PDCD6IP: variants seen among roughly 807,000 people sequenced by gnomAD.
PDCD6IP encodes the protein programmed cell death 6-interacting protein.
In PDCD6IP, 43 loss-of-function variants were observed where a neutral mutation model predicts 103.7. That is an observed-to-expected ratio of 0.41 (90% CI 0.32 to 0.53). The LOEUF (loss-of-function observed/expected upper bound fraction) is 0.53. PDCD6IP is among the 20% of genes least tolerant of loss of function. The pLI is 0.16. For synonymous variants in PDCD6IP, 354 were observed against 378.7 expected (o/e 0.93, Z 0.76); for missense variants, 871 against 1,036.7 (o/e 0.84, Z 2.20).
intron 9 of PDCD6IP, among the ~76,000 whole-genome samples, chr3:33,841,684 C>T (rs566226641): frequency 4.6e-5 from 7 of 151,942 alleles, no homozygotes; most frequent in East Asian, 3.9e-4. Flanking sequence ...GTGATCCTCC[C>T]GCCTCGGCCT....
chr3:33,853,042 G>A (rs1697754602), intron 13 of PDCD6IP, among the ~76,000 whole-genome samples: 1 of 151,288 alleles, frequency 6.6e-6, no homozygotes, highest in Non-Finnish European at 1.5e-5. Context: ...TCCCGCTTCA[G>A]CCTCCCGAGT....
chr3:33,836,827 C>G (rs1697359559), intron 8 of PDCD6IP, among the ~76,000 whole-genome samples: 1 of 151,528 alleles, frequency 6.6e-6, no homozygotes, highest in Admixed American at 6.6e-5. Flanking sequence ...CCACCATACT[C>G]CAGCCTGGGT....
intron 8 of PDCD6IP, 22 bp downstream of exon 8, chr3:33,836,288 A>C (rs1166801047): frequency 5.2e-6 from 7 of 1,334,876 alleles, no homozygotes; most frequent in South Asian, 1.2e-5. Flanking sequence ...ATTCAGACAC[A>C]CTTTAATCTC....
chr3:33,811,954 T>C, intron 1 of PDCD6IP, 118 bp from the exon 2 acceptor site: 6 of 1,341,916 alleles, frequency 4.5e-6, no homozygotes, highest in Non-Finnish European at 4.8e-6. Context: ...TTTTTTCATA[T>C]AAAATAGCTG....
At chr3:33,799,886 C>T (rs1458975233) in intron 1 of PDCD6IP, among the ~76,000 whole-genome samples, 1 of 151,806 alleles carries the variant, frequency 6.6e-6, no homozygotes, top group Non-Finnish European at 1.5e-5. Flanking sequence ...TTTGGGAGGC[C>T]GAGGCGGGCG....
In PDCD6IP at chr3:33,866,964, G is replaced by A. The variant is rs1698079738; in HGVS notation, c.*439G>A. On this transcript the variant is annotated 3_prime_UTR_variant, in exon 18 of 18. Transcript: ENST00000307296. ...CATTATGCTATTTTGCATAATCAAG[G>A]CACTGTAAATCTTATAATTTTAAAA... 6.5e-6 allele frequency: 1 copy of A among 152,678 alleles called. No individual in the cohort carries two copies. The highest frequency in any genetic ancestry group is 1.5e-5 in the Non-Finnish European group (1 of 68,428). 9.5% of individuals were successfully genotyped at this position (152,678 alleles called of 1,614,324 possible).
chr3:33,846,284 T>A (rs1697590463), intron 12 of PDCD6IP, among the ~76,000 whole-genome samples: 1 of 152,204 alleles, frequency 6.6e-6, no homozygotes, highest in Non-Finnish European at 1.5e-5. Flanking sequence ...TTGAAAAGTT[T>A]GAGTTTTGTT....
At chr3:33,849,580 C>T (rs1209470088) in intron 12 of PDCD6IP, among the ~76,000 whole-genome samples, 1 of 152,190 alleles carries the variant, frequency 6.6e-6, no homozygotes, top group African/African-American at 2.4e-5. Flanking sequence ...TAAAGGGATA[C>T]ATTTAATTGC....
chr3:33,831,984 T>G (rs780173910), intron 7 of PDCD6IP, among the ~76,000 whole-genome samples: 7 of 152,218 alleles, frequency 4.6e-5, no homozygotes, highest in Non-Finnish European at 8.8e-5. Context: ...TGCTGGATAC[T>G]TGAATGTTTC....
rs763920102 is a variant in PDCD6IP at position 33,865,327 on chromosome 3, G to C, written c.2329G>C (p.Val777Leu). 6.3e-7 allele frequency: 1 copy of C among 1,596,114 alleles called. No individual in the cohort carries two copies. The highest frequency in any genetic ancestry group is 1.7e-5 in the Admixed American group (1 of 57,404). Residue 777 changes from valine to leucine, a missense_variant, in exon 17 of 18, where the codon GTG (valine) becomes CTG (leucine). Coordinates refer to ENST00000307296, the MANE Select transcript of PDCD6IP (RefSeq NM_013374.6). ...TCCTTCTGCTACTGCTCCATCTCCA[G>C]TGGGGGCTGGGACTGCTGCGCCAGC... ...RAPSATAPSPVGAGTAAPAPS... is the reference protein window; with the variant it reads ...RAPSATAPSPLGAGTAAPAPS...
At chr3:33,836,376 T>G (rs1185281898) in intron 8 of PDCD6IP, 110 bp downstream of exon 8, 10 of 643,622 alleles carry the variant, frequency 1.6e-5, no homozygotes, top group East Asian at 8.1e-5. Context: ...ATAATTTGTA[T>G]TCATGTTGTT....
At chr3:33,799,969 A>C (rs994391383) in intron 1 of PDCD6IP, among the ~76,000 whole-genome samples, 2 of 151,810 alleles carry the variant, frequency 1.3e-5, no homozygotes, top group African/African-American at 4.8e-5. Flanking sequence ...AAATACAACA[A>C]ATTAGCCGGG....
At chr3:33,852,432 A>G (rs541044500) in intron 12 of PDCD6IP, 56 bp from the exon 13 acceptor site, 55 of 1,361,166 alleles carry the variant, frequency 4.0e-5, no homozygotes, top group Non-Finnish European at 4.7e-5. Context: ...CCTTCTCGAA[A>G]TTGGCTTTTT....
rs200934519 is a variant in PDCD6IP at position 33,852,618 on chromosome 3, A to G, written c.1772A>G (p.Asp591Gly). Reference protein sequence around the residue: ...TSKFLTALAQDGVINEEALSV... With the variant: ...TSKFLTALAQGGVINEEALSV... ...AAGTTTTTGACAGCCCTGGCTCAAGATGGTGTGATAAATGAAGAAGCTCTT... is the reference window on the plus strand; with the variant it reads ...AAGTTTTTGACAGCCCTGGCTCAAGGTGGTGTGATAAATGAAGAAGCTCTT... The change falls in exon 13 of 18, where the codon GAT (aspartate) becomes GGT (glycine). Residue 591 changes from aspartate (D) to glycine (G), a missense_variant. By Grantham distance (94) the Asp-to-Gly change is moderately conservative. This residue lies in a region of PDCD6IP where 266 missense variants were observed against 390.5 expected (regional missense o/e 0.68). Coordinates refer to ENST00000307296, the MANE Select transcript of PDCD6IP (RefSeq NM_013374.6). 1.0e-4 allele frequency: 167 copies of G among 1,604,414 alleles called. No homozygotes were observed. Among genetic ancestry groups the G allele is most frequent in the Admixed American group, 3.5e-5 (2 of 57,748 alleles).
chr3:33,836,079 C>G lies in PDCD6IP; in HGVS notation c.870C>G (p.Arg290=). The part of the protein sequence containing the change: ...AAELIKTVAS[R]YDEYVNVKDF... Reference sequence around the variant, plus strand: ...AACTGATTAAAACAGTGGCATCTCGCTATGATGAATATGTTAATGTGAAGG... The same window carrying G: ...AACTGATTAAAACAGTGGCATCTCGGTATGATGAATATGTTAATGTGAAGG... Residue 290 remains arginine, a synonymous_variant, in exon 8 of 18, where the codon CGC becomes CGG. Coordinates refer to ENST00000307296, the MANE Select transcript of PDCD6IP (RefSeq NM_013374.6). 1 of 1,611,180 alleles carries G rather than the reference C, an allele frequency of 6.2e-7. No homozygotes were observed. Among genetic ancestry groups the G allele is most frequent in the African/African-American group, 1.3e-5 (1 of 74,848 alleles).
At chr3:33,827,162 T>A in intron 6 of PDCD6IP, 1 of 984,356 alleles carries the variant, frequency 1.0e-6, no homozygotes, top group Non-Finnish European at 1.2e-6. Context: ...TAAACCTTTC[T>A]GAAGTGACAA....
chr3:33,827,910 G>A (rs1486228207), intron 6 of PDCD6IP: 1 of 152,152 alleles, frequency 6.6e-6, no homozygotes, highest in East Asian at 1.9e-4. Context: ...TGCAAGTAGT[G>A]ATCCAGGAAG....
chr3:33,822,122 A>G (rs1186313226), intron 4 of PDCD6IP, 40 bp downstream of exon 4: 5 of 1,592,890 alleles, frequency 3.1e-6, no homozygotes, highest in Admixed American at 3.4e-5. Flanking sequence ...GGTCAACACT[A>G]AATTGGATTA....
intron 17 of PDCD6IP, 94 bp downstream of exon 17, chr3:33,865,524 G>T: frequency 1.0e-6 from 1 of 975,038 alleles, no homozygotes; most frequent in Non-Finnish European, 1.5e-6. Flanking sequence ...TCTCCAAATG[G>T]AGGTGTCATG....
Sources: gnomAD v4.1 joint callset for allele counts (sites outside exome capture counted in the v4.1 genomes callset) on GRCh38, gnomAD v4.1.1 for gene constraint, gnomAD v4.1.1 regional missense constraint, MANE v1.5 for transcripts, NCBI Gene and HGNC (gene_info 2026-07-23, HGNC 2026-07-21) for gene names.